Variants in ZNF729 observed in about 807,000 individuals in gnomAD.
ZNF729 encodes the protein zinc finger protein 729.
In ZNF729, 15 loss-of-function variants were observed where a neutral mutation model predicts 12.2. The observed-to-expected ratio is 1.23, with a 90% confidence interval of 0.82 to 1.89. The LOEUF is 1.89. Ranked by LOEUF, ZNF729 falls within the 40% of genes most tolerant of loss-of-function variation. The pLI is 0.00. For synonymous variants in ZNF729, 492 were observed against 476.3 expected (o/e 1.03, Z -0.43); for missense variants, 1,540 against 1,456.7 (o/e 1.06, Z -0.93).
At chr19:22,304,985 T>C (rs1968361196) in intron 3 of ZNF729, among the ~76,000 whole-genome samples, 2 of 152,204 alleles carry the variant, frequency 1.3e-5, no homozygotes, top group African/African-American at 4.8e-5. Flanking sequence ...TGTTTTCATT[T>C]TGGTGATCTC....
chr19:22,310,840 GATTTTAAAATTACC>G (rs1968442205), intron 3 of ZNF729, among the ~76,000 whole-genome samples: 2 of 151,990 alleles, frequency 1.3e-5, no homozygotes, highest in South Asian at 4.2e-4. Flanking sequence ...TTTTGTGGAT[GATTTTAAAATTACC>G]ATTTCAGTCT....
Position 22,294,058 on chromosome 19 carries a change from A to G in ZNF729, c.30+7503A>G, listed in dbSNP as rs566265187. Among the ~76,000 whole-genome samples, 9 of 152,190 alleles carry G rather than the reference A, an allele frequency of 5.9e-5. 1 individual carries two copies. The East Asian group carries it at 1.7e-3, about 29-fold the overall frequency. ...ATCTTTGTTAGTTCCCATGTCTAGAATGGTATTTTCTAGGTTATCTTGAAG... is the reference window on the plus strand; with the variant it reads ...ATCTTTGTTAGTTCCCATGTCTAGAGTGGTATTTTCTAGGTTATCTTGAAG... On this transcript the variant is annotated intron_variant, in intron 1 of 3. Transcript: ENST00000601693.
At chr19:22,293,514 G>T (rs1968183869) in intron 1 of ZNF729, among the ~76,000 whole-genome samples, 1 of 23,930 alleles carries the variant, frequency 4.2e-5, no homozygotes, top group African/African-American at 2.3e-4. Context: ...TTTTTTTTGA[G>T]ACAGTTTCGC....
chr19:22,314,919 C>T lies in ZNF729; in HGVS notation c.1502C>T (p.Ser501Leu). 6.2e-7 allele frequency: 1 copy of T among 1,613,088 alleles called. No homozygotes were observed. The highest frequency in any genetic ancestry group is 8.5e-7 in the Non-Finnish European group (1 of 1,179,844). ...TGTGGCAAAGCTTTTAACCATTTCT[C>T]AGACCTTAGAAGACATAAGATAATT... is the stretch of plus-strand genomic sequence containing the variant. ...EECGKAFNHF[S>L]DLRRHKIIHT... The change falls in exon 4 of 4, where the codon TCA becomes TTA. Residue 501 changes from serine to leucine, a missense_variant. Physicochemically the swap from Ser to Leu is moderately radical, Grantham distance 145. Transcript: ENST00000601693.
intron 3 of ZNF729, among the ~76,000 whole-genome samples, chr19:22,306,743 T>G (rs1165802190): frequency 6.6e-6 from 1 of 151,364 alleles, no homozygotes; most frequent in Non-Finnish European, 1.5e-5. Flanking sequence ...ATTAATATTA[T>G]AAATTATTTC....
chr19:22,309,376 C>T (rs889613450), intron 3 of ZNF729, among the ~76,000 whole-genome samples: 5 of 152,094 alleles, frequency 3.3e-5, no homozygotes, highest in African/African-American at 1.2e-4. Flanking sequence ...ATCCAGGAGG[C>T]AGAGGTTGTG....
At position 22,303,763 on chromosome 19, in the gene ZNF729, A is replaced by G. The variant is rs1200066983; in HGVS notation, c.36A>G (p.Pro12=). The part of the protein sequence containing the change: ...PGAPGSLEMG[P]LTFRDVTIEF... ...TCTTTCGTTGTGTTTTTCAGGGACC[A>G]TTGACATTTAGAGATGTGACCATAG... The change falls in exon 2 of 4, where the codon CCA becomes CCG. Residue 12 remains proline (P), a synonymous_variant. Transcript: ENST00000601693. 1.2e-5 allele frequency: 19 copies of G among 1,559,282 alleles called. No homozygotes were observed. Among genetic ancestry groups the G allele is most frequent in the Non-Finnish European group, 1.7e-5 (19 of 1,148,020 alleles).
Position 22,314,996 on chromosome 19 carries a change from C to G in ZNF729, c.1579C>G (p.Gln527Glu). ...TGAAGAATGTGGGAAAGCTTTTAGC[C>G]AGTCCTCAACCCTTAGAAACCATCA... is the stretch of plus-strand genomic sequence containing the variant. ...KCEECGKAFS[Q>E]SSTLRNHQII... Residue 527 changes from glutamine (Q) to glutamate (E), a missense_variant, in exon 4 of 4, where the codon CAG (glutamine) becomes GAG (glutamate). Physicochemically the swap from Gln to Glu is conservative, Grantham distance 29. Coordinates refer to ENST00000601693, the MANE Select transcript of ZNF729 (RefSeq NM_001242680.2). The G allele has an allele frequency of 6.2e-7, 1 of 1,610,904 alleles. No homozygotes were observed. Among genetic ancestry groups the G allele is most frequent in the Non-Finnish European group, 8.5e-7 (1 of 1,179,528 alleles).
rs1968168050 is a variant in ZNF729, at chr19:22,292,436, C to A, written c.30+5881C>A. Among the ~76,000 whole-genome samples, 4 of 151,934 alleles carry A rather than the reference C, an allele frequency of 2.6e-5. No homozygotes were observed. In the South Asian group the frequency reaches 8.3e-4, roughly 32 times the overall value. On this transcript the variant is annotated intron_variant, in intron 1 of 3. Coordinates refer to ENST00000601693, the MANE Select transcript of ZNF729 (RefSeq NM_001242680.2). ...GTACCATATTTTGTTTTCATTAAAT[C>A]TTTTATTTTATTTATTTTTGGAGAC...
At chr19:22,298,127 A>G (rs540947401) in intron 1 of ZNF729, among the ~76,000 whole-genome samples, 2 of 152,202 alleles carry the variant, frequency 1.3e-5, no homozygotes, top group South Asian at 4.1e-4. Flanking sequence ...AACCGATTAT[A>G]CAAGGTATTA....
Position 22,316,652 on chromosome 19 carries a change from G to A in ZNF729, c.3235G>A (p.Glu1079Lys), listed in dbSNP as rs748987361. ...TACTGGAGAGAAACCCTGCAAATGT[G>A]AAGAATGTGACAAAGCTTTTAAGCA... ...IHTGEKPCKC[E>K]ECDKAFKHFS... The change falls in exon 4 of 4, where the codon GAA (glutamate) becomes AAA (lysine). Residue 1079 changes from glutamate to lysine, a missense_variant. Transcript: ENST00000601693. 223 of 1,612,660 alleles carry A rather than the reference G, an allele frequency of 1.4e-4. No individual in the cohort carries two copies. The highest frequency in any genetic ancestry group is 1.9e-4 in the Non-Finnish European group (219 of 1,179,796).
At chr19:22,298,272 G>T (rs1216126667) in intron 1 of ZNF729, among the ~76,000 whole-genome samples, 1 of 151,920 alleles carries the variant, frequency 6.6e-6, no homozygotes, top group Non-Finnish European at 1.5e-5. Flanking sequence ...TAATATTGCT[G>T]TTCATACTTT....
At chr19:22,301,087 A>G (rs1218692570) in intron 1 of ZNF729, among the ~76,000 whole-genome samples, 1 of 152,198 alleles carries the variant, frequency 6.6e-6, no homozygotes, top group African/African-American at 2.4e-5. Flanking sequence ...TATTGCCACA[A>G]GTAGCTATAT....
chr19:22,306,370 G>A (rs1356548519), intron 3 of ZNF729, among the ~76,000 whole-genome samples: 1 of 151,188 alleles, frequency 6.6e-6, no homozygotes, highest in East Asian at 1.9e-4. Context: ...ACCCGGAGGT[G>A]CAGGTTGTGG....
chr19:22,293,494 A>ATTTTGTTTTTTTTTTTTTT (rs1968182788), intron 1 of ZNF729, among the ~76,000 whole-genome samples: 1 of 96,064 alleles, frequency 1.0e-5, no homozygotes, highest in Non-Finnish European at 1.9e-5. Context: ...CCTTTTGTCT[A>ATTTTGTTTTTTTTTTTTTT]TTTTTTTTTT....
chr19:22,313,857 C>A lies in ZNF729; in HGVS notation c.440C>A (p.Thr147Lys). The A allele has an allele frequency of 1.3e-6, 2 of 1,564,122 alleles. No individual in the cohort carries two copies. The highest frequency in any genetic ancestry group is 1.4e-5 in the African/African-American group (1 of 73,802). Reference sequence around the variant, plus strand: ...TATAATAAACTTAACCAATGCAGGACAGCTACCCAGAGAAAAATATTTCAG... The same window carrying A: ...TATAATAAACTTAACCAATGCAGGAAAGCTACCCAGAGAAAAATATTTCAG... ...EGYNKLNQCR[T>K]ATQRKIFQCN... The change falls in exon 4 of 4, where the codon ACA becomes AAA. Residue 147 changes from threonine (T) to lysine (K), a missense_variant. Thr to Lys is a moderately conservative substitution (Grantham distance 78, BLOSUM62 -1). Coordinates refer to ENST00000601693, the MANE Select transcript of ZNF729 (RefSeq NM_001242680.2).
At chr19:22,298,005 CAA>C (rs34435303) in intron 1 of ZNF729, among the ~76,000 whole-genome samples, 6,394 of 68,038 alleles carry the variant, frequency 0.094, 199 homozygotes, top group African/African-American at 0.25. Context: ...AACTCCATCT[CAA>C]AAAAAAAAAA....
intron 1 of ZNF729, among the ~76,000 whole-genome samples, chr19:22,298,694 A>G (rs1968264651): frequency 6.6e-6 from 1 of 151,966 alleles, no homozygotes; most frequent in African/African-American, 2.4e-5. Context: ...TTGTATTTTT[A>G]GTAGAGACGG....
chr19:22,314,935 T>C lies in ZNF729; in HGVS notation c.1518T>C (p.His506=). The C allele has an allele frequency of 6.2e-7, 1 of 1,612,710 alleles. No individual in the cohort carries two copies. Among genetic ancestry groups the C allele is most frequent in the African/African-American group, 1.3e-5 (1 of 74,946 alleles). Reference sequence around the variant, plus strand: ...ACCATTTCTCAGACCTTAGAAGACATAAGATAATTCATACTGGAAAGAAAC... The same window carrying C: ...ACCATTTCTCAGACCTTAGAAGACACAAGATAATTCATACTGGAAAGAAAC... ...AFNHFSDLRR[H]KIIHTGKKPY... Residue 506 remains histidine (H), a synonymous_variant, in exon 4 of 4, where the codon CAT becomes CAC. Coordinates refer to ENST00000601693, the MANE Select transcript of ZNF729 (RefSeq NM_001242680.2).
Sources: gnomAD v4.1 joint callset for allele counts (sites outside exome capture counted in the v4.1 genomes callset) on GRCh38, gnomAD v4.1.1 for gene constraint, MANE v1.5 for transcripts, NCBI Gene and HGNC (gene_info 2026-07-23, HGNC 2026-07-21) for gene names.